FSTL1: variants seen among roughly 807,000 people sequenced by gnomAD.
FSTL1 encodes follistatin like 1.
In FSTL1, 24 loss-of-function variants were observed where a neutral mutation model predicts 45.9. That is an observed-to-expected ratio of 0.52 (90% confidence interval 0.38 to 0.74). The LOEUF (loss-of-function observed/expected upper bound fraction) is 0.74. FSTL1 is among the 30% of genes least tolerant of loss of function. The pLI is 0.00. For missense variants in FSTL1, 340 were observed against 381.8 expected, an observed-to-expected ratio of 0.89 and a Z score of 0.91; for synonymous variants, 120 against 137.6, an observed-to-expected ratio of 0.87 and a Z score of 0.89.
intron 2 of FSTL1, among the ~76,000 whole-genome samples, chr3:120,426,625 T>C (rs1937385334): frequency 1.3e-5 from 2 of 152,098 alleles, no homozygotes; most frequent in African/African-American, 4.8e-5. Context: ...CCCCCATCAC[T>C]TCTGTGGCTG....
At position 120,409,585 on chromosome 3, in the gene FSTL1, C is replaced by T. The variant is rs1230962888; in HGVS notation, c.409G>A (p.Gly137Ser). ...QWLEAEIIPDGWFSKGSNYSE... is the reference protein window; with the variant it reads ...QWLEAEIIPDSWFSKGSNYSE... ...TAGTTGCTGCCTTTAGAGAACCAGC[C>T]ATCTGGAATGATCTCAGCTTCCAGC... is the stretch of plus-strand genomic sequence containing the variant. Residue 137 changes from glycine (G) to serine (S), a missense_variant, in exon 6 of 11, where the codon GGC becomes AGC. Gly to Ser is a moderately conservative substitution (Grantham distance 56). Coordinates refer to ENST00000295633, the MANE Select transcript of FSTL1 (RefSeq NM_007085.5). 1 of 1,613,742 alleles carries T rather than the reference C, an allele frequency of 6.2e-7. No individual in the cohort carries two copies. Among genetic ancestry groups the T allele is most frequent in the Non-Finnish European group, 8.5e-7 (1 of 1,179,782 alleles).
Position 120,395,444 on chromosome 3 carries a change from T to C in FSTL1, c.*1508A>G. ...CTTCCCCCTGTTGAATCTGAAACTT[T>C]CTTTTATCCTCATCTCTAAGGGAAT... On this transcript the variant is annotated 3_prime_UTR_variant, in exon 11 of 11. Coordinates refer to ENST00000295633, the MANE Select transcript of FSTL1 (RefSeq NM_007085.5). 1 of 343,426 alleles carries C rather than the reference T, an allele frequency of 2.9e-6. No homozygotes were observed. Among genetic ancestry groups the C allele is most frequent in the Non-Finnish European group, 5.6e-6 (1 of 178,722 alleles). The allele number at this position is 343,426 out of a possible 1,614,324, so 21.3% of individuals were successfully genotyped here. A position where few individuals can be genotyped will look rare whatever the true frequency, so the allele number is the denominator to read the frequency against.
In FSTL1 at chr3:120,399,795, G is replaced by T. The variant is rs1170385570; in HGVS notation, c.882+88C>A. ...TGTATTGAGCAGAGAGAGCCTCCTT[G>T]GTCTCCTGGGGCACTGGGCAGTGTT... On this transcript the variant is annotated intron_variant, in intron 10 of 10. Transcript: ENST00000295633. 15 of 806,824 alleles carry T rather than the reference G, an allele frequency of 1.9e-5. No individual in the cohort carries two copies. The East Asian group carries it at 3.4e-4, about 18-fold the overall frequency. The allele number at this position is 806,824 out of a possible 1,614,324, so 50.0% of individuals were successfully genotyped here.
At chr3:120,431,270 C>G (rs1048243410) in intron 2 of FSTL1, among the ~76,000 whole-genome samples, 12 of 152,126 alleles carry the variant, frequency 7.9e-5, no homozygotes, top group Non-Finnish European at 2.9e-5. Context: ...CGCACCCGGC[C>G]TCTGGAAGGT....
chr3:120,412,839 C>CAG (rs1491161344), intron 3 of FSTL1, among the ~76,000 whole-genome samples: 27 of 58,124 alleles, frequency 4.6e-4, no homozygotes, highest in Admixed American at 8.0e-4. Flanking sequence ...CGCGCGCGCG[C>CAG]ACACACACAC....
chr3:120,439,245 G>A (rs1236587594), intron 2 of FSTL1, among the ~76,000 whole-genome samples: 6 of 152,192 alleles, frequency 3.9e-5, no homozygotes, highest in Non-Finnish European at 7.4e-5. Context: ...TTTCTTCCCA[G>A]GGGCTGGAAT....
chr3:120,403,600 C>T (rs151147496), intron 7 of FSTL1, among the ~76,000 whole-genome samples: 330 of 152,274 alleles, frequency 2.2e-3, no homozygotes, highest in African/African-American at 7.3e-3. Flanking sequence ...TGTTCCCCCC[C>T]TTAAGATGAC....
intron 3 of FSTL1, among the ~76,000 whole-genome samples, chr3:120,414,794 A>G (rs982466732): frequency 6.6e-6 from 1 of 151,904 alleles, no homozygotes; most frequent in African/African-American, 2.4e-5. Flanking sequence ...TGAAGGCAGC[A>G]TGCTCATTAA....
rs1389349994 is a variant in FSTL1 at position 120,395,598 on chromosome 3, A to G, written c.*1354T>C. 7.8e-6 allele frequency: 4 copies of G among 513,630 alleles called. No homozygotes were observed. The highest frequency in any genetic ancestry group is 1.6e-5 in the Non-Finnish European group (4 of 248,178). The allele number at this position is 513,630 out of a possible 1,614,324, so 31.8% of individuals were successfully genotyped here. Reference sequence around the variant, plus strand: ...ATATCATAGCACGACCTGTAGGGTCATCAGGCTGAGATCAAATCTGGTCAT... The same window carrying G: ...ATATCATAGCACGACCTGTAGGGTCGTCAGGCTGAGATCAAATCTGGTCAT... On this transcript the variant is annotated 3_prime_UTR_variant, in exon 11 of 11. Transcript: ENST00000295633.
In FSTL1 at chr3:120,399,203, C is replaced by T. The variant is rs898147632; in HGVS notation, c.882+680G>A. On this transcript the variant is annotated intron_variant, in intron 10 of 10. Coordinates refer to ENST00000295633, the MANE Select transcript of FSTL1 (RefSeq NM_007085.5). Reference sequence around the variant, plus strand: ...CCTGTATTAAGACTACATAATAAGCCAGTAGGAGGATGGGCCAGGAGTTCA... The same window carrying T: ...CCTGTATTAAGACTACATAATAAGCTAGTAGGAGGATGGGCCAGGAGTTCA... 2.0e-5 allele frequency among the ~76,000 whole-genome samples: 3 copies of T among 152,126 alleles called. No homozygotes were observed. The South Asian group carries it at 6.3e-4, about 32-fold the overall frequency.
intron 2 of FSTL1, among the ~76,000 whole-genome samples, chr3:120,435,150 C>T (rs1379530112): frequency 2.0e-5 from 3 of 152,072 alleles, no homozygotes; most frequent in African/African-American, 7.2e-5. Flanking sequence ...ATCCAGGAGG[C>T]AGAGGTTGCA....
chr3:120,432,502 T>C (rs578070460), intron 2 of FSTL1, among the ~76,000 whole-genome samples: 1 of 152,274 alleles, frequency 6.6e-6, no homozygotes, highest in Admixed American at 6.5e-5. Context: ...CCTCAAGCTG[T>C]ACACAATGCA....
At chr3:120,423,934 G>A (rs915347578) in intron 2 of FSTL1, 6 of 150,604 alleles carry the variant, frequency 4.0e-5, no homozygotes, top group Non-Finnish European at 2.9e-5. Context: ...GTTTGAATAT[G>A]GTTCTTATTT....
intron 2 of FSTL1, chr3:120,441,237 C>T (rs1035724760): frequency 6.6e-6 from 1 of 152,232 alleles, no homozygotes; most frequent in Non-Finnish European, 1.5e-5. Context: ...AATGACCACC[C>T]AAGATATCTG....
At chr3:120,403,920 C>CAAAAAAAAAAAAAAAAAAAAAAAAAAAA (rs34145564) in intron 7 of FSTL1, among the ~76,000 whole-genome samples, 11 of 52,124 alleles carry the variant, frequency 2.1e-4, no homozygotes, top group Non-Finnish European at 2.9e-4. Flanking sequence ...GACTCCGTCT[C>CAAAAAAAAAAAAAAAAAAAAAAAAAAAA]AAAAAAAAAA....
At chr3:120,421,877 G>A (rs1214380003) in intron 2 of FSTL1, among the ~76,000 whole-genome samples, 1 of 152,090 alleles carries the variant, frequency 6.6e-6, no homozygotes, top group African/African-American at 2.4e-5. Context: ...TTTAGGGAGG[G>A]CTAAAAAAAT....
At chr3:120,448,801 G>T (rs1037555087) in intron 2 of FSTL1, among the ~76,000 whole-genome samples, 4 of 152,200 alleles carry the variant, frequency 2.6e-5, no homozygotes, top group South Asian at 4.1e-4. Flanking sequence ...TGTGTGGAAG[G>T]GGGTTGGGAG....
chr3:120,427,495 C>G (rs377531741), intron 2 of FSTL1, among the ~76,000 whole-genome samples: 1 of 152,132 alleles, frequency 6.6e-6, no homozygotes, highest in Non-Finnish European at 1.5e-5. Context: ...GGGATAGGGA[C>G]AGAGAGGAAC....
In FSTL1 at chr3:120,402,937, G is replaced by A. The variant is rs765824738; in HGVS notation, c.695-19C>T. On this transcript the variant is annotated intron_variant, in intron 8 of 10. Coordinates refer to ENST00000295633, the MANE Select transcript of FSTL1 (RefSeq NM_007085.5). ...GCACACTCTGTTGGGCCAGAAATAC[G>A]GGGCAACAGTTTAGCTGTGAGGGTG... 2.9e-5 allele frequency: 42 copies of A among 1,473,182 alleles called. 1 individual carries two copies. In the South Asian group the frequency reaches 3.9e-4, roughly 14 times the overall value. 91.3% of individuals were successfully genotyped at this position (1,473,182 alleles called of 1,614,324 possible).
Sources: allele counts gnomAD v4.1 joint callset (sites outside exome capture counted in the v4.1 genomes callset), GRCh38; gene constraint gnomAD v4.1.1; transcripts MANE v1.5; gene names NCBI Gene and HGNC (gene_info 2026-07-23, HGNC 2026-07-21).